DLG2: variants seen among roughly 807,000 people sequenced by gnomAD.
The protein encoded by DLG2 is disks large homolog 2.
DLG2 carries 45 observed loss-of-function variants against 132.5 expected under a neutral mutation model. The ratio of observed to expected loss-of-function variants is 0.34; its 90% CI spans 0.27 to 0.44. The LOEUF (loss-of-function observed/expected upper bound fraction) is 0.44. Ranked by LOEUF, DLG2 falls within the 20% of genes least tolerant of loss-of-function variation. The pLI is 1.00. For synonymous variants in DLG2, 424 were observed against 419.6 expected (o/e 1.01, Z -0.13); for missense variants, 1,045 against 1,196.9 (o/e 0.87, Z 1.87).
At chr11:84,041,160 C>T (rs1042555982) in intron 11 of DLG2, among the ~76,000 whole-genome samples, 3 of 152,072 alleles carry the variant, frequency 2.0e-5, no homozygotes, top group Middle Eastern at 6.8e-3. Context: ...AATGGCATTA[C>T]AGTATACTAT....
chr11:83,959,943 T>C lies in DLG2; in HGVS notation c.1340+2942A>G, dbSNP rs114722323. Among the ~76,000 whole-genome samples, 1,166 of 152,246 alleles carry C rather than the reference T, an allele frequency of 7.7e-3. 13 individuals carry two copies. The highest frequency in any genetic ancestry group is 0.027 in the African/African-American group (1,114 of 41,560). ...TGAATAGTAATGATCCTTTTGTTTTTATTACTCTATGTATTGTTAATCTTA... is the reference window on the plus strand; with the variant it reads ...TGAATAGTAATGATCCTTTTGTTTTCATTACTCTATGTATTGTTAATCTTA... On this transcript the variant is annotated intron_variant, in intron 14 of 27. Transcript: ENST00000376104.
intron 3 of DLG2, among the ~76,000 whole-genome samples, chr11:85,393,643 G>GTA (rs1197015441): frequency 1.3e-5 from 2 of 151,526 alleles, no homozygotes; most frequent in African/African-American, 4.9e-5. Context: ...GTGTGTGTGT[G>GTA]TGTGTGTGTG....
At chr11:83,936,396 G>A (rs1390611810) in intron 14 of DLG2, among the ~76,000 whole-genome samples, 2 of 152,100 alleles carry the variant, frequency 1.3e-5, no homozygotes, top group East Asian at 1.9e-4. Context: ...TCTAACGCCC[G>A]ATTTGTACCT....
At chr11:84,859,410 A>G (rs997168477) in intron 6 of DLG2, among the ~76,000 whole-genome samples, 55 of 145,256 alleles carry the variant, frequency 3.8e-4, no homozygotes, top group Non-Finnish European at 5.7e-4. Context: ...ATATATACAT[A>G]TATATGTATA....
chr11:83,475,648 T>G (rs1260562644), intron 22 of DLG2, among the ~76,000 whole-genome samples: 1 of 151,906 alleles, frequency 6.6e-6, no homozygotes, highest in Non-Finnish European at 1.5e-5. Flanking sequence ...CAGGTCGGGG[T>G]TATTAAGAGG....
chr11:83,616,014 A>G (rs1261549271), intron 19 of DLG2, among the ~76,000 whole-genome samples: 2 of 151,656 alleles, frequency 1.3e-5, no homozygotes, highest in Non-Finnish European at 2.9e-5. Context: ...AGTAGTGTGT[A>G]TGTGTGTGTG....
At chr11:85,133,630 C>A (rs927809903) in intron 5 of DLG2, among the ~76,000 whole-genome samples, 2 of 152,156 alleles carry the variant, frequency 1.3e-5, no homozygotes, top group East Asian at 1.9e-4. Context: ...CACAAACAAC[C>A]TGAACATATA....
At chr11:84,141,002 A>C (rs1009811272) in intron 9 of DLG2, among the ~76,000 whole-genome samples, 2 of 152,140 alleles carry the variant, frequency 1.3e-5, no homozygotes, top group African/African-American at 4.8e-5. Flanking sequence ...TCTATAAAAC[A>C]GAGGCTCAAA....
intron 6 of DLG2, among the ~76,000 whole-genome samples, chr11:84,858,832 T>A (rs1341347733): frequency 1.3e-5 from 2 of 151,978 alleles, no homozygotes; most frequent in Non-Finnish European, 2.9e-5. Flanking sequence ...TGACAAGTAC[T>A]CAAACAAAAA....
At chr11:83,598,877 C>T (rs1257264754) in intron 19 of DLG2, among the ~76,000 whole-genome samples, 2 of 152,164 alleles carry the variant, frequency 1.3e-5, no homozygotes, top group Non-Finnish European at 2.9e-5. Context: ...ATCTTCAAGG[C>T]TACTGAGGTG....
intron 16 of DLG2, among the ~76,000 whole-genome samples, chr11:83,845,131 G>T (rs3793948): frequency 0.54 from 81,994 of 151,686 alleles, 23,289 homozygotes; most frequent in Middle Eastern, 0.68. Flanking sequence ...TCTATTACCC[G>T]TGGAAGTCAT....
chr11:84,800,239 C>T (rs762844368), intron 6 of DLG2, among the ~76,000 whole-genome samples: 1 of 152,142 alleles, frequency 6.6e-6, no homozygotes, highest in Non-Finnish European at 1.5e-5. Flanking sequence ...CCTTTCTCTC[C>T]ATTCTTTACA....
At chr11:85,475,597 C>G (rs72953916) in intron 3 of DLG2, among the ~76,000 whole-genome samples, 4,618 of 152,098 alleles carry the variant, frequency 0.03, 104 homozygotes, top group East Asian at 0.095. Flanking sequence ...AAAATTATCT[C>G]AAAAGAGAAT....
chr11:84,821,308 A>C (rs75178296), intron 6 of DLG2, among the ~76,000 whole-genome samples: 10,678 of 151,716 alleles, frequency 0.07, 477 homozygotes, highest in Non-Finnish European at 0.11. Flanking sequence ...GGGCCAAAAA[A>C]CTTTATGAAA....
intron 6 of DLG2, among the ~76,000 whole-genome samples, chr11:84,614,285 G>A (rs1195676125): frequency 6.6e-6 from 1 of 152,094 alleles, no homozygotes; most frequent in East Asian, 1.9e-4. Flanking sequence ...AGGGAGAGGT[G>A]GAGAATGTCA....
At chr11:84,962,307 T>A (rs928929049) in intron 6 of DLG2, among the ~76,000 whole-genome samples, 4 of 152,236 alleles carry the variant, frequency 2.6e-5, no homozygotes, top group Non-Finnish European at 5.9e-5. Context: ...ACTCTTCTAT[T>A]GCCATGAGCA....
intron 3 of DLG2, among the ~76,000 whole-genome samples, chr11:85,451,449 G>C (rs1295603692): frequency 6.6e-6 from 1 of 152,042 alleles, no homozygotes; most frequent in Non-Finnish European, 1.5e-5. Context: ...GGCTCATGCT[G>C]CTCTCTAAAC....
At chr11:83,804,383 C>T (rs953440338) in intron 17 of DLG2, among the ~76,000 whole-genome samples, 9 of 151,978 alleles carry the variant, frequency 5.9e-5, no homozygotes, top group Non-Finnish European at 1.2e-4. Context: ...TATGCTAGTT[C>T]TAAGCATTGA....
rs1202089550 is a variant in DLG2, at chr11:85,265,780, A to G, written c.186+19440T>C. Among the ~76,000 whole-genome samples the G allele has an allele frequency of 4.6e-5, 7 of 152,346 alleles. 1 individual carries two copies. The highest frequency in any genetic ancestry group is 1.7e-4 in the African/African-American group (7 of 41,592). ...AGCCAGTAGAGAGAAGTAGCTGGAC[A>G]TCAGAGAGAGGCAACTTGACTTCGG... On this transcript the variant is annotated intron_variant, in intron 4 of 27. Transcript: ENST00000376104.
Sources: gnomAD v4.1 joint callset for allele counts (sites outside exome capture counted in the v4.1 genomes callset) on GRCh38, gnomAD v4.1.1 for gene constraint, MANE v1.5 for transcripts, NCBI Gene and HGNC (gene_info 2026-07-23, HGNC 2026-07-21) for gene names.